ARAF: variants seen among roughly 807,000 people sequenced by gnomAD.
ARAF encodes serine/threonine-protein kinase A-Raf.
ARAF carries 18 observed loss-of-function variants against 48.0 expected under a neutral mutation model. The ratio of observed to expected loss-of-function variants is 0.37; its 90% CI spans 0.26 to 0.56. ARAF has a LOEUF of 0.56. ARAF is among the 20% of genes least tolerant of loss of function. The pLI is 0.77. For missense variants in ARAF, 389 were observed against 543.1 expected (o/e 0.72, Z 2.82); for synonymous variants, 207 against 220.1 (o/e 0.94, Z 0.53).
At chrX:47,570,092 C>G in intron 14 of ARAF, 68 bp downstream of exon 14, 5 of 1,139,292 alleles carry the variant, frequency 4.4e-6, no homozygotes, top group Non-Finnish European at 5.9e-6. Flanking sequence ...TACCCCACAT[C>G]CCCTCCTTTG....
At chrX:47,561,857 A>G (rs1329978112) in intron 1 of ARAF, among the ~76,000 whole-genome samples, 1 of 107,217 alleles carries the variant, frequency 9.3e-6, no homozygotes, top group Non-Finnish European at 1.9e-5. Context: ...CTGGTGGTCC[A>G]CCATTACCTC....
rs1603043349 is a variant in ARAF, at chrX:47,564,910, G to C, written c.303+11G>C. 9.1e-6 allele frequency: 11 copies of C among 1,210,589 alleles called. No individual in the cohort carries two copies. In the East Asian group the frequency reaches 3.3e-4, roughly 36 times the overall value. On this transcript the variant is annotated intron_variant, in intron 4 of 15. Transcript: ENST00000377045. ...ACCATGCACAATTTTGTGAGTGCAGGGTGGACGGTGGGGGTGGACCATGGT... is the reference window on the plus strand; with the variant it reads ...ACCATGCACAATTTTGTGAGTGCAGCGTGGACGGTGGGGGTGGACCATGGT...
At position 47,567,019 on chromosome X, in the gene ARAF, C is replaced by T. The variant is rs746574967; in HGVS notation, c.761C>T (p.Pro254Leu). The T allele has an allele frequency of 5.8e-6, 7 of 1,211,649 alleles. No homozygotes were observed. In the South Asian group the frequency reaches 7.0e-5, roughly 12 times the overall value. ...AGTAGAGGAGGTAGTGATGGAACCCCCCGGGGGAGCCCCAGCCCAGCCAGC... is the reference window on the plus strand; with the variant it reads ...AGTAGAGGAGGTAGTGATGGAACCCTCCGGGGGAGCCCCAGCCCAGCCAGC... ...AGSRGGSDGT[P>L]RGSPSPASVS... is the part of the protein sequence containing the mutation. The change falls in exon 9 of 16, where the codon CCC becomes CTC. Residue 254 changes from proline (P) to leucine (L), a missense_variant. Transcript: ENST00000377045.
In ARAF at chrX:47,567,134, A is replaced by G. The variant is rs1275566034; in HGVS notation, c.873+3A>G. 8.3e-7 allele frequency: 1 copy of G among 1,210,384 alleles called. No individual in the cohort carries two copies. The highest frequency in any genetic ancestry group is 2.3e-4 in the Middle Eastern group (1 of 4,349). On this transcript the variant is annotated splice_donor_region_variant and intron_variant, in intron 9 of 15. Coordinates refer to ENST00000377045, the MANE Select transcript of ARAF (RefSeq NM_001654.5). The stretch of plus-strand genomic sequence containing the variant: ...TGGCCGATGACAAGAAGAAAGTGGT[A>G]TGCTCGAGGGGGATCCTTTTGGGGC...
intron 3 of ARAF, 72 bp from the exon 4 acceptor site, chrX:47,564,725 C>A: frequency 2.3e-6 from 2 of 875,866 alleles, no homozygotes; most frequent in Non-Finnish European, 3.3e-6. Flanking sequence ...CTTGGAGGGA[C>A]TTGTGGGGGT....
At chrX:47,566,499 C>A in intron 6 of ARAF, 140 bp from the exon 7 acceptor site, 1 of 617,711 alleles carries the variant, frequency 1.6e-6, no homozygotes, top group Non-Finnish European at 2.3e-6. Context: ...ATAAATGTTT[C>A]TTGAAGCAAT....
At chrX:47,569,386 C>A in intron 12 of ARAF, 153 bp from the exon 13 acceptor site, 1 of 506,981 alleles carries the variant, frequency 2.0e-6, no homozygotes. Flanking sequence ...CGTTCCCTGC[C>A]CACGTCAAGG....
rs140123739 is a variant in ARAF, at chrX:47,567,117, G to T, written c.859G>T (p.Asp287Tyr). The part of the protein sequence containing the change: ...EQRERKSLAD[D>Y]KKKVKNLGYR... ...GCGCGAGCGGAAGTCCTTGGCCGAT[G>T]ACAAGAAGAAAGTGGTATGCTCGAG... Residue 287 changes from aspartate (D) to tyrosine (Y), a missense_variant, in exon 9 of 16, where the codon GAC becomes TAC. Asp to Tyr is a radical substitution (Grantham distance 160). Transcript: ENST00000377045. The T allele has an allele frequency of 8.3e-7, 1 of 1,209,721 alleles. No individual in the cohort carries two copies. Among genetic ancestry groups the T allele is most frequent in the African/African-American group, 1.7e-5 (1 of 57,204 alleles).
chrX:47,568,664 G>A, intron 10 of ARAF, 54 bp from the exon 11 acceptor site: 1 of 1,154,947 alleles, frequency 8.7e-7, no homozygotes, highest in Non-Finnish European at 1.2e-6. Context: ...TGCTCGGTAA[G>A]TGACAGTTGC....
Position 47,562,911 on chromosome X carries a change from G to A in ARAF, c.-57G>A. The A allele has an allele frequency of 1.1e-6, 1 of 931,950 alleles. No individual in the cohort carries two copies. The highest frequency in any genetic ancestry group is 1.5e-6 in the Non-Finnish European group (1 of 683,573). 76.8% of individuals were successfully genotyped at this position (931,950 alleles called of 1,213,427 possible). ...AATTCTTGTCTGCCTTCTTGTAGGA[G>A]CCCCATGGCACCTGCCCAGCCCCAC... On this transcript the variant is annotated splice_region_variant and 5_prime_UTR_variant, in exon 2 of 16. Coordinates refer to ENST00000377045, the MANE Select transcript of ARAF (RefSeq NM_001654.5).
chrX:47,568,292 G>A (rs1287587875), intron 10 of ARAF, among the ~76,000 whole-genome samples: 4 of 111,362 alleles, frequency 3.6e-5, no homozygotes, highest in Non-Finnish European at 7.5e-5. Context: ...TATCACCAAT[G>A]TTTTAATCCT....
rs775966352 is a variant in ARAF, at chrX:47,567,062, G to T, written c.804G>T (p.Lys268Asn). The T allele has an allele frequency of 8.2e-7, 1 of 1,212,191 alleles. No homozygotes were observed. Among genetic ancestry groups the T allele is most frequent in the Admixed American group, 2.2e-5 (1 of 46,136 alleles). ...PSPASVSSGR[K>N]SPHSKSPAEQ... ...CAGCCAGCGTGTCCTCGGGGAGGAA[G>T]TCCCCACATTCCAAGTCACCAGCAG... The change falls in exon 9 of 16, where the codon AAG becomes AAT. Residue 268 changes from lysine to asparagine, a missense_variant. Around this residue, in one of 4 missense-constraint regions of ARAF, gnomAD observed 154 missense variants for 133.6 expected, o/e 1.15. Transcript: ENST00000377045.
intron 12 of ARAF, 91 bp from the exon 13 acceptor site, chrX:47,569,448 T>A: frequency 2.8e-6 from 2 of 714,942 alleles, no homozygotes; most frequent in Non-Finnish European, 4.3e-6. Flanking sequence ...ATCAGAGGGA[T>A]GAGTGGTATA....
chrX:47,562,883 C>T, intron 1 of ARAF, 26 bp from the exon 2 acceptor site: 1 of 766,590 alleles, frequency 1.3e-6, no homozygotes, highest in Non-Finnish European at 1.9e-6. Context: ...TATTGGACCT[C>T]TGAATTCTTG....
At position 47,569,051 on chromosome X, in the gene ARAF, G is replaced by A; in HGVS notation, c.1300+18G>A. On this transcript the variant is annotated intron_variant, in intron 12 of 15. Coordinates refer to ENST00000377045, the MANE Select transcript of ARAF (RefSeq NM_001654.5). ...GTCTAACAGTATCTATCTGTCCCTGGGCTGGGGTTGAGTGGGGGTGTCAAG... is the reference window on the plus strand; with the variant it reads ...GTCTAACAGTATCTATCTGTCCCTGAGCTGGGGTTGAGTGGGGGTGTCAAG... The A allele has an allele frequency of 8.4e-7, 1 of 1,190,773 alleles. No individual in the cohort carries two copies. The highest frequency in any genetic ancestry group is 1.1e-6 in the Non-Finnish European group (1 of 884,464).
chrX:47,569,725 C>A, intron 13 of ARAF, 68 bp downstream of exon 13: 1 of 1,107,979 alleles, frequency 9.0e-7, no homozygotes, highest in Non-Finnish European at 1.2e-6. Flanking sequence ...TGTGTGGGGC[C>A]AAGTGGGGAC....
In ARAF at chrX:47,562,498, A is replaced by C. The variant is rs780867304; in HGVS notation, c.-59-411A>C. Among the ~76,000 whole-genome samples, 16 of 99,318 alleles carry C rather than the reference A, an allele frequency of 1.6e-4. No homozygotes were observed. In the South Asian group the frequency reaches 2.3e-3, roughly 14 times the overall value. The allele number at this position is 99,318 out of a possible 115,157, so 86.2% of individuals were successfully genotyped here. ...GAAACTCTGTCAGAAAAAAAAAAAA[A>C]CAGAAAAAAAAAAAAAAAAAACCCA... is the stretch of plus-strand genomic sequence containing the variant. On this transcript the variant is annotated intron_variant, in intron 1 of 15. Transcript: ENST00000377045.
chrX:47,569,344 C>G, intron 12 of ARAF, 195 bp from the exon 13 acceptor site: 1 of 470,006 alleles, frequency 2.1e-6, no homozygotes, highest in Non-Finnish European at 3.7e-6. Flanking sequence ...TCAGGAGTCA[C>G]AGCGGGGCTG....
chrX:47,566,327 C>T (rs936806267), intron 6 of ARAF, among the ~76,000 whole-genome samples: 1 of 112,007 alleles, frequency 8.9e-6, no homozygotes, highest in Admixed American at 9.5e-5. Context: ...CACTTTGTGT[C>T]TCCTTATTTT....
Sources: allele counts gnomAD v4.1 joint callset (sites outside exome capture counted in the v4.1 genomes callset), GRCh38; gene constraint gnomAD v4.1.1; regional missense constraint gnomAD v4.1.1; transcripts MANE v1.5; gene names NCBI Gene and HGNC (gene_info 2026-07-23, HGNC 2026-07-21).